Variants in THOP1 observed in about 807,000 individuals in gnomAD.
The protein encoded by THOP1 is thimet oligopeptidase.
Under a neutral mutation model 71.8 loss-of-function variants are expected in THOP1, and 49 were observed. That is an observed-to-expected ratio of 0.68 (90% CI 0.54 to 0.87). The LOEUF is 0.87. THOP1 is among the 40% of genes least tolerant of loss of function. THOP1 has a pLI of 0.00. For synonymous variants in THOP1, 426 were observed against 421.5 expected, an observed-to-expected ratio of 1.01 and a Z score of -0.13; for missense variants, 843 against 975.6, an observed-to-expected ratio of 0.86 and a Z score of 1.81.
intron 10 of THOP1, 58 bp from the exon 11 acceptor site, chr19:2,810,582 T>C: frequency 1.3e-6 from 2 of 1,531,044 alleles, no homozygotes; most frequent in East Asian, 2.5e-5. Flanking sequence ...GTCGGAGCTC[T>C]GGGCAGAGTG....
intron 4 of THOP1, among the ~76,000 whole-genome samples, chr19:2,798,307 G>A (rs111244816): frequency 0.033 from 5,034 of 152,154 alleles, 137 homozygotes; most frequent in Non-Finnish European, 0.049. Flanking sequence ...CTGGGATTAC[G>A]GGTGTGAGCC....
intron 1 of THOP1, among the ~76,000 whole-genome samples, chr19:2,786,368 C>A (rs530681203): frequency 2.6e-5 from 4 of 152,268 alleles, no homozygotes; most frequent in Non-Finnish European, 5.9e-5. Flanking sequence ...GCCTCAGCCA[C>A]CTGAGTAACT....
intron 12 of THOP1, among the ~76,000 whole-genome samples, chr19:2,812,663 G>A (rs996548415): frequency 1.3e-5 from 2 of 152,216 alleles, no homozygotes; most frequent in African/African-American, 4.8e-5. Flanking sequence ...GCTCTGGGGC[G>A]TCGGGGTCTC....
intron 7 of THOP1, 143 bp downstream of exon 7, chr19:2,807,195 TC>T (rs1166123500): frequency 1.0e-5 from 13 of 1,270,318 alleles, no homozygotes; most frequent in Middle Eastern, 2.3e-4. Flanking sequence ...GCTCCCTCAC[TC>T]CCCCCGAGGG....
rs183753940 is a variant in THOP1 at position 2,805,174 on chromosome 19, G to A, written c.748G>A (p.Glu250Lys). 53 of 1,611,324 alleles carry A rather than the reference G, an allele frequency of 3.3e-5. No homozygotes were observed. In the East Asian group the frequency reaches 1.1e-3, roughly 34 times the overall value. ...VEEAFNCRCKEENCAILKELV... is the reference protein window; with the variant it reads ...VEEAFNCRCKKENCAILKELV... ...GGAGGCCTTCAACTGCCGGTGCAAG[G>A]AGGTGAGAAGGCACGGCCAGGGGGC... Residue 250 changes from glutamate (E) to lysine (K), a missense_variant and splice_region_variant, in exon 6 of 13, where the codon GAG (glutamate) becomes AAG (lysine). Coordinates refer to ENST00000307741, the MANE Select transcript of THOP1 (RefSeq NM_003249.5). This position sits in a 1 kb window ranked among gnomAD's most constrained non-coding sequence, Gnocchi z 6.6.
intron 5 of THOP1, among the ~76,000 whole-genome samples, chr19:2,802,778 G>T (rs1035632687): frequency 6.6e-6 from 1 of 152,202 alleles, no homozygotes; most frequent in African/African-American, 2.4e-5. Context: ...TCATCCTGCC[G>T]TGACTCCGAA....
chr19:2,802,745 C>T (rs1160347102), intron 5 of THOP1, among the ~76,000 whole-genome samples: 2 of 152,230 alleles, frequency 1.3e-5, no homozygotes, highest in African/African-American at 2.4e-5. Flanking sequence ...TGACTTCTGC[C>T]GCCCTCACCC....
At chr19:2,788,558 AC>A (rs1300160915) in intron 1 of THOP1, among the ~76,000 whole-genome samples, 1 of 152,000 alleles carries the variant, frequency 6.6e-6, no homozygotes, top group African/African-American at 2.4e-5. Flanking sequence ...AGCTCACTGC[AC>A]CCTCCACCTC....
In THOP1 at chr19:2,796,151, G is replaced by C; in HGVS notation, c.449G>C (p.Arg150Pro). Residue 150 changes from arginine (R) to proline (P), a missense_variant, in exon 4 of 13, where the codon CGG becomes CCG. Coordinates refer to ENST00000307741, the MANE Select transcript of THOP1 (RefSeq NM_003249.5). ...CTGGAGCGGCTAATCAAGCTGGGCC[G>C]GAGAAATGGGCTTCACCTCCCCAGA... ...RYLERLIKLG[R>P]RNGLHLPRET... The C allele has an allele frequency of 3.7e-6, 6 of 1,613,646 alleles. No individual in the cohort carries two copies. The highest frequency in any genetic ancestry group is 5.1e-6 in the Non-Finnish European group (6 of 1,179,870).
chr19:2,800,567 G>A (rs1175728639), intron 5 of THOP1, among the ~76,000 whole-genome samples: 1 of 152,250 alleles, frequency 6.6e-6, no homozygotes, highest in Non-Finnish European at 1.5e-5. Flanking sequence ...GGTGGGTGGG[G>A]ACAAGGCCCT....
Position 2,811,803 on chromosome 19 carries a change from GGC to G in THOP1, c.1908+71_1908+72del, listed in dbSNP as rs1184442923. Reference sequence around the variant, plus strand: ...GTACGCGGGGACTGGGGACAGGGAGGGCGTCCTGAATGGCAAGGTACGCGGGG... The same window carrying G: ...GTACGCGGGGACTGGGGACAGGGAGGGTCCTGAATGGCAAGGTACGCGGGG... On this transcript the variant is annotated intron_variant, in intron 12 of 12. Coordinates refer to ENST00000307741, the MANE Select transcript of THOP1 (RefSeq NM_003249.5). The G allele has an allele frequency of 2.4e-5, 37 of 1,546,032 alleles. 1 individual carries two copies. In the African/African-American group the frequency reaches 2.5e-4, roughly 11 times the overall value.
At chr19:2,803,333 C>G (rs1916203632) in intron 5 of THOP1, among the ~76,000 whole-genome samples, 1 of 152,194 alleles carries the variant, frequency 6.6e-6, no homozygotes, top group Non-Finnish European at 1.5e-5. Flanking sequence ...GCGGGGCATG[C>G]CGGCACACAC....
intron 5 of THOP1, among the ~76,000 whole-genome samples, chr19:2,803,833 C>T (rs1916217906): frequency 6.6e-6 from 1 of 152,254 alleles, no homozygotes; most frequent in East Asian, 1.9e-4. Context: ...CCCAAAATTT[C>T]CCCCATCTGC....
rs761875770 is a variant in THOP1, at chr19:2,790,389, C to A, written c.17-32C>A. On this transcript the variant is annotated intron_variant, in intron 1 of 12. Coordinates refer to ENST00000307741, the MANE Select transcript of THOP1 (RefSeq NM_003249.5). ...TGACCCTAACTGAACCGAAAGCAGA[C>A]CCGCCCGGCACTGGGTTTTGTTTCT... 2.0e-6 allele frequency: 3 copies of A among 1,494,534 alleles called. No homozygotes were observed. The East Asian group carries it at 7.1e-5, about 35-fold the overall frequency. The allele number at this position is 1,494,534 out of a possible 1,614,324, so 92.6% of individuals were successfully genotyped here. A position where few individuals can be genotyped will look rare whatever the true frequency, so the allele number is the denominator to read the frequency against.
In THOP1 at chr19:2,805,138, A is replaced by G; in HGVS notation, c.712A>G (p.Arg238Gly). 2 of 1,612,628 alleles carry G rather than the reference A, an allele frequency of 1.2e-6. No individual in the cohort carries two copies. The highest frequency in any genetic ancestry group is 1.7e-6 in the Non-Finnish European group (2 of 1,179,800). Residue 238 changes from arginine (R) to glycine (G), a missense_variant, in exon 6 of 13, where the codon AGG becomes GGG. Physicochemically the swap from Arg to Gly is moderately radical, Grantham distance 125 (BLOSUM62 -2). Transcript: ENST00000307741. This position sits in a 1 kb window ranked among gnomAD's most constrained non-coding sequence, Gnocchi z 6.6. ...LKKCHVPETRRKVEEAFNCRC... is the reference protein window; with the variant it reads ...LKKCHVPETRGKVEEAFNCRC... ...GAAATGCCACGTGCCTGAGACCAGG[A>G]GGAAAGTGGAGGAGGCCTTCAACTG...
In THOP1 at chr19:2,813,524, T is replaced by A; in HGVS notation, c.*248T>A. 2.1e-6 allele frequency: 1 copy of A among 473,876 alleles called. No individual in the cohort carries two copies. Among genetic ancestry groups the A allele is most frequent in the Admixed American group, 3.4e-5 (1 of 29,350 alleles). The allele number at this position is 473,876 out of a possible 1,614,324, so 29.4% of individuals were successfully genotyped here. On this transcript the variant is annotated 3_prime_UTR_variant, in exon 13 of 13. Transcript: ENST00000307741. ...CTGGTCTTTGTTGCACTAACACGTCTCCTCTCTGGGAAACGTCCCTTGTCA... is the reference window on the plus strand; with the variant it reads ...CTGGTCTTTGTTGCACTAACACGTCACCTCTCTGGGAAACGTCCCTTGTCA...
chr19:2,804,902 G>C lies in THOP1; in HGVS notation c.590-114G>C. The C allele has an allele frequency of 9.2e-7, 1 of 1,086,720 alleles. No individual in the cohort carries two copies. Among genetic ancestry groups the C allele is most frequent in the Non-Finnish European group, 1.3e-6 (1 of 780,664 alleles). The allele number at this position is 1,086,720 out of a possible 1,614,324, so 67.3% of individuals were successfully genotyped here. On this transcript the variant is annotated intron_variant, in intron 5 of 12. Transcript: ENST00000307741. This position sits in a 1 kb window ranked among gnomAD's most constrained non-coding sequence, Gnocchi z 4.7. ...TGGCCAGGCTGCAGCTGCTCGCTGA[G>C]GGCCCCCTTGTAGCTTTCCAGGCAG...
intron 9 of THOP1, among the ~76,000 whole-genome samples, chr19:2,809,218 G>T (rs559028216): frequency 6.6e-6 from 1 of 152,170 alleles, no homozygotes; most frequent in Non-Finnish European, 1.5e-5. Context: ...GCTGTACAGC[G>T]CTGACGGGTT....
rs544574650 is a variant in THOP1, at chr19:2,807,555, G to A, written c.1000G>A (p.Ala334Thr). ...RGLPFDGRIR[A>T]WDMRYYMNQV... ...CCTGCCCTTCGACGGCCGCATCCGT[G>A]CCTGGGACATGCGCTACTACATGAA... The change falls in exon 8 of 13, where the codon GCC (alanine) becomes ACC (threonine). Residue 334 changes from alanine (A) to threonine (T), a missense_variant. Ala to Thr is a moderately conservative substitution (Grantham distance 58, BLOSUM62 0). Transcript: ENST00000307741. The A allele has an allele frequency of 6.2e-7, 1 of 1,612,552 alleles. No individual in the cohort carries two copies. Among genetic ancestry groups the A allele is most frequent in the South Asian group, 1.1e-5 (1 of 91,074 alleles).
Sources: allele counts gnomAD v4.1 joint callset (sites outside exome capture counted in the v4.1 genomes callset), GRCh38; gene constraint gnomAD v4.1.1; non-coding constraint Gnocchi (gnomAD v3.1); transcripts MANE v1.5; gene names NCBI Gene and HGNC (gene_info 2026-07-23, HGNC 2026-07-21).